The following MROH2A variants were observed in gnomAD, a reference collection of about 807,000 sequenced individuals.
MROH2A encodes maestro heat like repeat family member 2A, also known as maestro heat-like repeat-containing protein family member 2A.
In MROH2A, 174 loss-of-function variants were observed where a neutral mutation model predicts 200.4. That is an observed-to-expected ratio of 0.87 (90% CI 0.77 to 0.98). The LOEUF (loss-of-function observed/expected upper bound fraction) is 0.98. MROH2A is among the 50% of genes least tolerant of loss of function. The pLI, the probability that MROH2A is intolerant of heterozygous loss-of-function variation, is 0.00. For missense variants in MROH2A, 2,045 were observed against 2,139.6 expected (o/e 0.96, Z 0.87); for synonymous variants, 829 against 840.4 (o/e 0.99, Z 0.23).
Position 233,779,363 on chromosome 2 carries a change from C to T in MROH2A, c.5C>T (p.Thr2Ile). Reference sequence around the variant, plus strand: ...TCAAAAGAGCTTGAGGAAGAGATGACTGAAGCCATTACAGAAGCAGCAGTA... The same window carrying T: ...TCAAAAGAGCTTGAGGAAGAGATGATTGAAGCCATTACAGAAGCAGCAGTA... M[T>I]EAITEAAVAS... Residue 2 changes from threonine to isoleucine, a missense_variant, in exon 2 of 42, where the codon ACT (threonine) becomes ATT (isoleucine). Thr to Ile is a moderately conservative substitution (Grantham distance 89, BLOSUM62 -1). Transcript: ENST00000389758. 6.5e-7 allele frequency: 1 copy of T among 1,548,336 alleles called. No individual in the cohort carries two copies. Among genetic ancestry groups the T allele is most frequent in the Non-Finnish European group, 8.7e-7 (1 of 1,144,926 alleles).
At chr2:233,792,447 A>G (rs1005715023) in intron 5 of MROH2A, among the ~76,000 whole-genome samples, 13 of 151,648 alleles carry the variant, frequency 8.6e-5, no homozygotes, top group East Asian at 2.0e-4. Flanking sequence ...CGAGTGGTTG[A>G]GACTACAGGC....
chr2:233,830,757 C>T (rs1003440103), intron 38 of MROH2A, among the ~76,000 whole-genome samples: 22 of 152,208 alleles, frequency 1.4e-4, no homozygotes, highest in African/African-American at 5.1e-4. Context: ...TGGACTTTGC[C>T]ACATCCCTCT....
At chr2:233,819,869 G>GCTGCCC in intron 30 of MROH2A, 33 bp from the exon 31 acceptor site, 9 of 1,477,352 alleles carry the variant, frequency 6.1e-6, no homozygotes, top group Non-Finnish European at 8.1e-6. Flanking sequence ...AGGGGCCTGG[G>GCTGCCC]CTGCCCCCCG....
chr2:233,829,631 G>A lies in MROH2A; in HGVS notation c.4458G>A (p.Leu1486=), dbSNP rs1189533725. The A allele has an allele frequency of 7.0e-7, 1 of 1,430,244 alleles. No individual in the cohort carries two copies. Among genetic ancestry groups the A allele is most frequent in the Non-Finnish European group, 9.2e-7 (1 of 1,088,670 alleles). 88.6% of individuals were successfully genotyped at this position (1,430,244 alleles called of 1,614,324 possible). ...CATCCTGGCCACAGGAGAGCGAGCT[G>A]CTGCGTCTGAAAGCCTTCATCCTCT... ...CRIFFDNESE[L]LRLKAFILFG... Residue 1486 remains leucine, a synonymous_variant, in exon 38 of 42, where the codon CTG becomes CTA. Transcript: ENST00000389758.
chr2:233,811,338 C>G (rs968372477), intron 23 of MROH2A, among the ~76,000 whole-genome samples: 1 of 152,214 alleles, frequency 6.6e-6, no homozygotes, highest in African/African-American at 2.4e-5. Flanking sequence ...CGTCCACTGT[C>G]CAAAGGCTGA....
At chr2:233,786,508 C>T (rs992366459) in intron 3 of MROH2A, among the ~76,000 whole-genome samples, 1 of 152,210 alleles carries the variant, frequency 6.6e-6, no homozygotes. Flanking sequence ...AATTACCTTT[C>T]GAAGGGCTCA....
In MROH2A at chr2:233,793,835, C is replaced by G. The variant is rs1486214738; in HGVS notation, c.822+11C>G. ...CACTACAACCCCGAGGTGAGATGCA[C>G]CCCTCTTAGGAGGGCCTGGTGGTCC... is the stretch of plus-strand genomic sequence containing the variant. On this transcript the variant is annotated intron_variant, in intron 7 of 41. Transcript: ENST00000389758. 3 of 1,398,620 alleles carry G rather than the reference C, an allele frequency of 2.1e-6. No individual in the cohort carries two copies. Among genetic ancestry groups the G allele is most frequent in the Non-Finnish European group, 2.8e-6 (3 of 1,072,012 alleles). The allele number at this position is 1,398,620 out of a possible 1,614,324, so 86.6% of individuals were successfully genotyped here.
intron 6 of MROH2A, 79 bp from the exon 7 acceptor site, chr2:233,793,594 C>G: frequency 1.5e-6 from 2 of 1,293,102 alleles, no homozygotes; most frequent in Non-Finnish European, 9.9e-7. Flanking sequence ...CACTTCCACT[C>G]GGGAAGCTGG....
At chr2:233,821,814 T>C (rs1703953763) in intron 31 of MROH2A, among the ~76,000 whole-genome samples, 1 of 152,008 alleles carries the variant, frequency 6.6e-6, no homozygotes, top group African/African-American at 2.4e-5. Context: ...GGAGGTATTG[T>C]GGGACATGTC....
chr2:233,789,516 T>C lies in MROH2A; in HGVS notation c.296T>C (p.Val99Ala). ...TCCCAGATTTCCACCCAGCGCAAGG[T>C]CAACATTTACAACATCCTCCAGGAC... ...QVPEISTQRK[V>A]NIYNILQDII... The change falls in exon 4 of 42, where the codon GTC becomes GCC. Residue 99 changes from valine (V) to alanine (A), a missense_variant. By Grantham distance (64) the Val-to-Ala change is moderately conservative. Transcript: ENST00000389758. The C allele has an allele frequency of 6.9e-7, 1 of 1,446,408 alleles. No homozygotes were observed. The allele number at this position is 1,446,408 out of a possible 1,614,324, so 89.6% of individuals were successfully genotyped here.
At chr2:233,817,434 T>C (rs715210) in intron 27 of MROH2A, among the ~76,000 whole-genome samples, 59,666 of 151,576 alleles carry the variant, frequency 0.39, 12,543 homozygotes, top group African/African-American at 0.53. Context: ...GGGAGAGAAG[T>C]GGGCTGGGCA....
chr2:233,816,945 G>C (rs1048645519), intron 27 of MROH2A, 60 bp downstream of exon 27: 1 of 1,034,928 alleles, frequency 9.7e-7, no homozygotes, highest in Non-Finnish European at 1.4e-6. Context: ...AAAAATTCCT[G>C]TGTCTATCTG....
At chr2:233,803,856 G>A (rs1475326015) in intron 16 of MROH2A, among the ~76,000 whole-genome samples, 195 bp from the exon 17 acceptor site, 5 of 152,122 alleles carry the variant, frequency 3.3e-5, no homozygotes, top group Admixed American at 1.3e-4. Context: ...CCTGGGGTGG[G>A]GAGGGAGCCC....
chr2:233,827,092 A>C (rs1297891012), intron 35 of MROH2A, among the ~76,000 whole-genome samples: 1 of 152,204 alleles, frequency 6.6e-6, no homozygotes, highest in Non-Finnish European at 1.5e-5. Flanking sequence ...GCAAGGTTGC[A>C]GAGAAATAGG....
chr2:233,809,185 C>T lies in MROH2A; in HGVS notation c.2355C>T (p.Cys785=), dbSNP rs770274993. The change falls in exon 22 of 42, where the codon TGC becomes TGT. Residue 785 remains cysteine (C), a synonymous_variant. Coordinates refer to ENST00000389758, the MANE Select transcript of MROH2A (RefSeq NM_001394639.1). Reference sequence around the variant, plus strand: ...GTGCCCTCATGGTGATGTATAGCTGCGTGGCCTCCTACTGCCACCCCCAGT... The same window carrying T: ...GTGCCCTCATGGTGATGTATAGCTGTGTGGCCTCCTACTGCCACCCCCAGT... ...VKSALMVMYS[C]VASYCHPQLL... 1.2e-5 allele frequency: 18 copies of T among 1,550,388 alleles called. No homozygotes were observed. The highest frequency in any genetic ancestry group is 1.7e-4 in the Middle Eastern group (1 of 6,014).
rs370872745 is a variant in MROH2A, at chr2:233,799,916, C to T, written c.1449+17C>T. On this transcript the variant is annotated intron_variant, in intron 13 of 41. Coordinates refer to ENST00000389758, the MANE Select transcript of MROH2A (RefSeq NM_001394639.1). ...TACAAACTGGTGAGTGGCCCTGATA[C>T]GCAGACCGCAGAGCAGCTGGACTTG... The T allele has an allele frequency of 7.9e-4, 1,221 of 1,550,322 alleles. 5 individuals are homozygous for T. The highest frequency in any genetic ancestry group is 5.2e-3 in the South Asian group (436 of 84,032).
chr2:233,807,406 C>G lies in MROH2A; in HGVS notation c.2053-17C>G, dbSNP rs1702870273. 1 of 1,544,742 alleles carries G rather than the reference C, an allele frequency of 6.5e-7. No homozygotes were observed. Among genetic ancestry groups the G allele is most frequent in the Non-Finnish European group, 8.7e-7 (1 of 1,142,876 alleles). On this transcript the variant is annotated splice_polypyrimidine_tract_variant and intron_variant, in intron 19 of 41. Transcript: ENST00000389758. This position sits in a 1 kb window ranked among gnomAD's most constrained non-coding sequence, Gnocchi z 4.3. ...TGTAGGGAGGCCTGAGCTCCTTCCT[C>G]CCTTCTGCCTCTCCAGGGCTTTCTG... is the stretch of plus-strand genomic sequence containing the variant.
At chr2:233,777,131 G>A (rs776701873), upstream of MROH2A, among the ~76,000 whole-genome samples, 6 of 152,158 alleles carry the variant, frequency 3.9e-5, no homozygotes, top group African/African-American at 9.7e-5. Context: ...TATAATAATC[G>A]GTTGTTTTCA....
At position 233,796,218 on chromosome 2, in the gene MROH2A, A is replaced by G. The variant is rs775010542; in HGVS notation, c.1157A>G (p.Glu386Gly). Residue 386 changes from glutamate (E) to glycine (G), a missense_variant, in exon 11 of 42, where the codon GAG (glutamate) becomes GGG (glycine). Physicochemically the swap from Glu to Gly is moderately conservative, Grantham distance 98. Coordinates refer to ENST00000389758, the MANE Select transcript of MROH2A (RefSeq NM_001394639.1). ...CCTGCAGCTCGCTCCTACCCCAAGG[A>G]GCTGATGAAGTTCTTCTTCAGCCAG... ...FVALARSYPKELMKFFFSQME... is the reference protein window; with the variant it reads ...FVALARSYPKGLMKFFFSQME... The G allele has an allele frequency of 1.3e-6, 2 of 1,550,126 alleles. No individual in the cohort carries two copies. The highest frequency in any genetic ancestry group is 4.9e-5 in the East Asian group (2 of 40,892).
Sources: gnomAD v4.1 joint callset for allele counts (sites outside exome capture counted in the v4.1 genomes callset) on GRCh38, gnomAD v4.1.1 for gene constraint, Gnocchi (gnomAD v3.1) non-coding constraint, MANE v1.5 for transcripts, NCBI Gene and HGNC (gene_info 2026-07-23, HGNC 2026-07-21) for gene names.